RNF169: variants seen among roughly 807,000 people sequenced by gnomAD.
The protein encoded by RNF169 is ring finger protein 169.
RNF169 carries 24 observed loss-of-function variants against 53.9 expected under a neutral mutation model. The ratio of observed to expected loss-of-function variants is 0.45; its 90% CI spans 0.32 to 0.63. The LOEUF (loss-of-function observed/expected upper bound fraction) is 0.63, where lower values mean the gene tolerates loss of function less well. Among genes scored for constraint, RNF169 ranks in the 20% least tolerant of loss-of-function variants. The pLI, the probability that RNF169 is intolerant of heterozygous loss-of-function variation, is 0.04. For missense variants in RNF169, 883 were observed against 906.2 expected (o/e 0.97, Z 0.33); for synonymous variants, 396 against 363.5 (o/e 1.09, Z -1.02).
chr11:74,819,916 A>C (rs2035987304), intron 4 of RNF169, among the ~76,000 whole-genome samples: 1 of 152,160 alleles, frequency 6.6e-6, no homozygotes, highest in Non-Finnish European at 1.5e-5. Context: ...GATACTTTTA[A>C]GCCTGAGTCT....
rs371107678 is a variant in RNF169, at chr11:74,836,210, G to T, written c.1607G>T (p.Gly536Val). ...ACCTGCTGTTCCTCAGAACTCAAAGGGGGAGGCAGTGGGACTTCTTTGGAG... is the reference window on the plus strand; with the variant it reads ...ACCTGCTGTTCCTCAGAACTCAAAGTGGGAGGCAGTGGGACTTCTTTGGAG... ...LETCCSSELKGGGSGTSLERE... is the reference protein window; with the variant it reads ...LETCCSSELKVGGSGTSLERE... The change falls in exon 6 of 6, where the codon GGG (glycine) becomes GTG (valine). Residue 536 changes from glycine to valine, a missense_variant. Transcript: ENST00000299563. 2.5e-5 allele frequency: 41 copies of T among 1,614,032 alleles called. No individual in the cohort carries two copies. The highest frequency in any genetic ancestry group is 4.4e-5 in the South Asian group (4 of 91,086).
At chr11:74,816,151 T>A (rs1194617884) in intron 3 of RNF169, among the ~76,000 whole-genome samples, 1 of 152,186 alleles carries the variant, frequency 6.6e-6, no homozygotes, top group East Asian at 1.9e-4. Context: ...AAACAAAGCA[T>A]TTCAGGAATG....
At chr11:74,774,976 A>C (rs1237613273) in intron 1 of RNF169, among the ~76,000 whole-genome samples, 1 of 152,198 alleles carries the variant, frequency 6.6e-6, no homozygotes, top group Non-Finnish European at 1.5e-5. Flanking sequence ...TCCATCTCAA[A>C]CAAAAAATAA....
In RNF169 at chr11:74,819,927, C is replaced by T. The variant is rs148337226; in HGVS notation, c.842+2213C>T. Among the ~76,000 whole-genome samples, 991 of 152,194 alleles carry T rather than the reference C, an allele frequency of 6.5e-3. 16 individuals are homozygous for T. Among genetic ancestry groups the T allele is most frequent in the African/African-American group, 0.022 (929 of 41,546 alleles). ...TGCAGATACTTTTAAGCCTGAGTCT[C>T]TGGTGGATCAGAGTGTGGCACATCA... is the stretch of plus-strand genomic sequence containing the variant. On this transcript the variant is annotated intron_variant, in intron 4 of 5. Transcript: ENST00000299563.
At chr11:74,800,163 T>A (rs2035709338) in intron 2 of RNF169, among the ~76,000 whole-genome samples, 1 of 152,048 alleles carries the variant, frequency 6.6e-6, no homozygotes, top group Non-Finnish European at 1.5e-5. Context: ...AACTGATTTT[T>A]AAAATACCCA....
chr11:74,797,135 G>A (rs762692241), intron 2 of RNF169, among the ~76,000 whole-genome samples: 1 of 152,188 alleles, frequency 6.6e-6, no homozygotes, highest in Non-Finnish European at 1.5e-5. Flanking sequence ...TAGTCAATGG[G>A]TTACTGAAGT....
intron 1 of RNF169, among the ~76,000 whole-genome samples, chr11:74,758,045 T>G: frequency 1.4e-5 from 1 of 73,306 alleles, no homozygotes; most frequent in Non-Finnish European, 2.3e-5. Context: ...GCCATTGCTT[T>G]TGGTGTTTTG....
At chr11:74,814,380 C>CTT (rs35427771) in intron 3 of RNF169, among the ~76,000 whole-genome samples, 4,852 of 96,192 alleles carry the variant, frequency 0.05, 392 homozygotes, top group African/African-American at 0.081. Flanking sequence ...TCTTTCTTGC[C>CTT]TTTTTTTTTT....
At position 74,827,056 on chromosome 11, in the gene RNF169, C is replaced by T. The variant is rs995503952; in HGVS notation, c.843-7620C>T. On this transcript the variant is annotated intron_variant, in intron 4 of 5. Coordinates refer to ENST00000299563, the MANE Select transcript of RNF169 (RefSeq NM_001098638.2). Reference sequence around the variant, plus strand: ...ATGGGGACTCAGTGTGGGCATTTCCCTTCCACACTGCCCTAGCAGAGGTGC... The same window carrying T: ...ATGGGGACTCAGTGTGGGCATTTCCTTTCCACACTGCCCTAGCAGAGGTGC... Among the ~76,000 whole-genome samples the T allele has an allele frequency of 2.0e-5, 3 of 152,250 alleles. No individual in the cohort carries two copies. The South Asian group carries it at 6.2e-4, about 32-fold the overall frequency.
rs1389821604 is a variant in RNF169 at position 74,836,151 on chromosome 11, T to C, written c.1548T>C (p.Ser516=). Residue 516 remains serine (S), a synonymous_variant, in exon 6 of 6, where the codon AGT becomes AGC. Coordinates refer to ENST00000299563, the MANE Select transcript of RNF169 (RefSeq NM_001098638.2). The part of the protein sequence containing the change: ...SVSQTKAEQD[S]DNKSSTEIPL... ...GCCAAACAAAAGCAGAACAGGACAG[T>C]GATAATAAAAGTAGCACTGAGATCC... 1 of 1,613,930 alleles carries C rather than the reference T, an allele frequency of 6.2e-7. No individual in the cohort carries two copies. Among genetic ancestry groups the C allele is most frequent in the South Asian group, 1.1e-5 (1 of 91,048 alleles).
Position 74,836,390 on chromosome 11 carries a change from T to C in RNF169, c.1787T>C (p.Leu596Ser), listed in dbSNP as rs1206830479. 1 of 1,614,150 alleles carries C rather than the reference T, an allele frequency of 6.2e-7. No homozygotes were observed. Among genetic ancestry groups the C allele is most frequent in the East Asian group, 2.2e-5 (1 of 44,884 alleles). ...AAAACAAAGCAACAATTGAAGACAT[T>C]AAATCATTTTGATCTGACTAATGGT... is the stretch of plus-strand genomic sequence containing the variant. Reference protein sequence around the residue: ...VLKTKQQLKTLNHFDLTNGVL... With the variant: ...VLKTKQQLKTSNHFDLTNGVL... The change falls in exon 6 of 6, where the codon TTA becomes TCA. Residue 596 changes from leucine to serine, a missense_variant. Transcript: ENST00000299563.
chr11:74,781,541 A>G (rs2035416787), intron 1 of RNF169, among the ~76,000 whole-genome samples: 1 of 152,244 alleles, frequency 6.6e-6, no homozygotes, highest in Admixed American at 6.5e-5. Context: ...AGCAGTGAAC[A>G]TTCTTGTATG....
intron 1 of RNF169, among the ~76,000 whole-genome samples, chr11:74,770,512 A>C (rs1415897722): frequency 6.6e-6 from 1 of 152,240 alleles, no homozygotes; most frequent in Non-Finnish European, 1.5e-5. Context: ...GTGGGGATAC[A>C]TGGTTACTGA....
chr11:74,775,076 C>T (rs149626217), intron 1 of RNF169, among the ~76,000 whole-genome samples: 243 of 152,344 alleles, frequency 1.6e-3, no homozygotes, highest in African/African-American at 5.6e-3. Context: ...TCAGTACCTA[C>T]AGCTGGGACA....
At chr11:74,760,209 T>C (rs1483024457) in intron 1 of RNF169, among the ~76,000 whole-genome samples, 4 of 151,976 alleles carry the variant, frequency 2.6e-5, no homozygotes, top group Non-Finnish European at 5.9e-5. Flanking sequence ...CTTTTTTTCT[T>C]TATTAGTCTT....
chr11:74,823,716 G>A (rs866203201), intron 4 of RNF169, among the ~76,000 whole-genome samples: 2 of 142,542 alleles, frequency 1.4e-5, no homozygotes, highest in African/African-American at 2.6e-5. Flanking sequence ...CAGCCTAGGC[G>A]ATAGAGTGAG....
intron 1 of RNF169, among the ~76,000 whole-genome samples, chr11:74,751,547 GA>G (rs1183528700): frequency 3.3e-5 from 5 of 152,204 alleles, no homozygotes; most frequent in African/African-American, 1.2e-4. Context: ...AGTTTGGCTT[GA>G]TGATTTGTGC....
intron 4 of RNF169, chr11:74,830,731 G>A (rs991970874): frequency 5.3e-5 from 8 of 152,010 alleles, no homozygotes; most frequent in African/African-American, 1.9e-4. Flanking sequence ...GAAAAGTAGA[G>A]GCCAAGATCT....
chr11:74,750,237 A>T (rs894439522), intron 1 of RNF169, among the ~76,000 whole-genome samples: 6 of 152,178 alleles, frequency 3.9e-5, no homozygotes, highest in African/African-American at 1.2e-4. Context: ...TAAGACTGTT[A>T]TAACTTAGGA....
Sources: gnomAD v4.1 joint callset for allele counts (sites outside exome capture counted in the v4.1 genomes callset) on GRCh38, gnomAD v4.1.1 for gene constraint, MANE v1.5 for transcripts, NCBI Gene and HGNC (gene_info 2026-07-23, HGNC 2026-07-21) for gene names.